Variants in RUNX1 observed in about 807,000 individuals in gnomAD.
RUNX1 encodes RUNX family transcription factor 1.
A neutral mutation model predicts 42.8 loss-of-function variants in RUNX1; 19 were observed. The observed-to-expected ratio is 0.44, with a 90% CI of 0.31 to 0.65. RUNX1 has a LOEUF of 0.65. Among genes scored for constraint, RUNX1 ranks in the 30% least tolerant of loss-of-function variants. The pLI, the probability that RUNX1 is intolerant of heterozygous loss-of-function variation, is 0.07. For missense variants in RUNX1, 528 were observed against 672.0 expected, an observed-to-expected ratio of 0.79 and a Z score of 2.37; for synonymous variants, 271 against 289.4, an observed-to-expected ratio of 0.94 and a Z score of 0.64.
At chr21:35,018,399 C>T (rs1054055012) in intron 2 of RUNX1, among the ~76,000 whole-genome samples, 1 of 152,154 alleles carries the variant, frequency 6.6e-6, no homozygotes, top group Non-Finnish European at 1.5e-5. Context: ...TCCCTCATGG[C>T]TGTCAGAAGG....
At chr21:34,908,043 G>A (rs901447300) in intron 2 of RUNX1, among the ~76,000 whole-genome samples, 1 of 152,088 alleles carries the variant, frequency 6.6e-6, no homozygotes. Flanking sequence ...TCCAAGAGCC[G>A]TTTTGCTACT....
chr21:34,801,800 A>G (rs2056611732), intron 7 of RUNX1, among the ~76,000 whole-genome samples: 1 of 152,196 alleles, frequency 6.6e-6, no homozygotes, highest in South Asian at 2.1e-4. Flanking sequence ...GCCTGATAAT[A>G]TGGTGCATTC....
intron 6 of RUNX1, among the ~76,000 whole-genome samples, chr21:34,842,706 T>G (rs144407363): frequency 1.3e-5 from 2 of 151,940 alleles, no homozygotes; most frequent in Non-Finnish European, 2.9e-5. Flanking sequence ...ATGGCACACA[T>G]GCACACACAT....
chr21:34,874,965 A>G (rs975627238), intron 5 of RUNX1, among the ~76,000 whole-genome samples: 3 of 152,164 alleles, frequency 2.0e-5, no homozygotes, highest in African/African-American at 7.2e-5. Context: ...ACCAAACACA[A>G]GCCGGCTGGC....
chr21:35,043,865 G>T (rs1011965847), intron 2 of RUNX1, among the ~76,000 whole-genome samples: 1 of 152,178 alleles, frequency 6.6e-6, no homozygotes, highest in Admixed American at 6.5e-5. Flanking sequence ...AAGGAGCAGG[G>T]AAAATGGGAG....
At chr21:34,924,051 G>A (rs943856085) in intron 2 of RUNX1, among the ~76,000 whole-genome samples, 7 of 151,088 alleles carry the variant, frequency 4.6e-5, no homozygotes, top group African/African-American at 1.7e-4. Context: ...ACGTGACAGG[G>A]CAGTTCACAA....
chr21:35,041,832 A>T (rs1033607084), intron 2 of RUNX1, among the ~76,000 whole-genome samples: 4 of 152,158 alleles, frequency 2.6e-5, no homozygotes, highest in Non-Finnish European at 4.4e-5. Flanking sequence ...TTATCTGGTT[A>T]TCTGTTTTTC....
intron 7 of RUNX1, among the ~76,000 whole-genome samples, chr21:34,816,852 G>A (rs1229139880): frequency 6.6e-6 from 1 of 152,136 alleles, no homozygotes; most frequent in Admixed American, 6.5e-5. Flanking sequence ...TGACTTTTTG[G>A]TCATTTCAGA....
intron 6 of RUNX1, among the ~76,000 whole-genome samples, chr21:34,834,965 G>A (rs1376946255): frequency 6.6e-6 from 1 of 152,208 alleles, no homozygotes; most frequent in Non-Finnish European, 1.5e-5. Flanking sequence ...ATGGCCACAT[G>A]CCAGGGGCTA....
chr21:35,004,516 G>A (rs1172290659), intron 2 of RUNX1, among the ~76,000 whole-genome samples: 4 of 152,204 alleles, frequency 2.6e-5, no homozygotes, highest in Non-Finnish European at 5.9e-5. Context: ...GGACCTAGCT[G>A]AGGGCGTGTC....
rs575950894 is a variant in RUNX1, at chr21:34,800,230, A to G, written c.806-768T>C. Among the ~76,000 whole-genome samples the G allele has an allele frequency of 2.0e-4, 31 of 152,350 alleles. 1 individual carries two copies. In the South Asian group the frequency reaches 6.2e-3, roughly 31 times the overall value. On this transcript the variant is annotated intron_variant, in intron 7 of 8. Coordinates refer to ENST00000675419, the MANE Select transcript of RUNX1 (RefSeq NM_001754.5). ...AGTCTGACTTCAAAAGATTTAGACAAAGTGGATTTTGTCAATTTGACTCCA... is the reference window on the plus strand; with the variant it reads ...AGTCTGACTTCAAAAGATTTAGACAGAGTGGATTTTGTCAATTTGACTCCA...
intron 7 of RUNX1, among the ~76,000 whole-genome samples, chr21:34,824,180 T>C (rs1487134262): frequency 2.6e-5 from 4 of 152,304 alleles, no homozygotes; most frequent in Non-Finnish European, 4.4e-5. Context: ...CAGAAAATAG[T>C]CTATTCCATG....
At chr21:35,024,262 C>T (rs571745083) in intron 2 of RUNX1, among the ~76,000 whole-genome samples, 1 of 152,304 alleles carries the variant, frequency 6.6e-6, no homozygotes, top group Non-Finnish European at 1.5e-5. Flanking sequence ...CTGGAGCACC[C>T]ATTTTGAGCC....
At chr21:34,802,792 T>C (rs904928388) in intron 7 of RUNX1, among the ~76,000 whole-genome samples, 3 of 152,152 alleles carry the variant, frequency 2.0e-5, no homozygotes, top group African/African-American at 7.2e-5. Context: ...CACAGACAAA[T>C]TTCAGTTTGC....
chr21:34,971,504 G>GCCATCCAT lies in RUNX1; in HGVS notation c.58+77330_58+77337dup, dbSNP rs76561322. On this transcript the variant is annotated intron_variant, in intron 2 of 8. Coordinates refer to ENST00000675419, the MANE Select transcript of RUNX1 (RefSeq NM_001754.5). ...CCAGATACATTTAAAATTTTTATCA[G>GCCATCCAT]CCATCCATCCATCCATCCATCCATC... 4.8e-3 allele frequency among the ~76,000 whole-genome samples: 721 copies of GCCATCCAT among 150,524 alleles called. 4 individuals are homozygous for GCCATCCAT. Among genetic ancestry groups the GCCATCCAT allele is most frequent in the African/African-American group, 5.8e-3 (235 of 40,824 alleles).
At chr21:34,990,090 C>T (rs1470443454) in intron 2 of RUNX1, among the ~76,000 whole-genome samples, 1 of 152,174 alleles carries the variant, frequency 6.6e-6, no homozygotes, top group Admixed American at 6.5e-5. Context: ...CAGGGACTGA[C>T]TCAAGGCTCT....
At chr21:34,991,561 A>C (rs1020875145) in intron 2 of RUNX1, among the ~76,000 whole-genome samples, 2 of 152,030 alleles carry the variant, frequency 1.3e-5, no homozygotes, top group Non-Finnish European at 2.9e-5. Context: ...GATGATGATG[A>C]TGATGATGAT....
intron 2 of RUNX1, among the ~76,000 whole-genome samples, chr21:34,974,397 T>G (rs2058785085): frequency 7.0e-6 from 1 of 143,734 alleles, no homozygotes; most frequent in Non-Finnish European, 1.5e-5. Context: ...ACCGAAACCG[T>G]GAAAAAAAAA....
intron 4 of RUNX1, among the ~76,000 whole-genome samples, chr21:34,883,255 A>T (rs74638438): frequency 0.026 from 3,912 of 152,028 alleles, 165 homozygotes; most frequent in African/African-American, 0.09. Flanking sequence ...CTTTTTTTTT[A>T]AATGCAGCAG....
Sources: gnomAD v4.1 joint callset for allele counts (sites outside exome capture counted in the v4.1 genomes callset) on GRCh38, gnomAD v4.1.1 for gene constraint, MANE v1.5 for transcripts, NCBI Gene and HGNC (gene_info 2026-07-23, HGNC 2026-07-21) for gene names.